FCHSD2: variants seen among roughly 807,000 people sequenced by gnomAD.
The protein encoded by FCHSD2 is F-BAR and double SH3 domains protein 2.
FCHSD2 carries 38 observed loss-of-function variants against 108.1 expected under a neutral mutation model. The ratio of observed to expected loss-of-function variants is 0.35; its 90% CI spans 0.27 to 0.46. The LOEUF is 0.46. Ranked by LOEUF, FCHSD2 falls within the 20% of genes least tolerant of loss-of-function variation. FCHSD2 has a pLI of 1.00. For missense variants in FCHSD2, 751 were observed against 897.8 expected (o/e 0.84, Z 2.09); for synonymous variants, 279 against 314.7 (o/e 0.89, Z 1.20).
Position 72,889,815 on chromosome 11 carries a change from T to C in FCHSD2, c.1041+14A>G. 1 of 1,500,346 alleles carries C rather than the reference T, an allele frequency of 6.7e-7. No homozygotes were observed. Among genetic ancestry groups the C allele is most frequent in the South Asian group, 1.1e-5 (1 of 88,178 alleles). The allele number at this position is 1,500,346 out of a possible 1,614,324, so 92.9% of individuals were successfully genotyped here. A position where few individuals can be genotyped will look rare whatever the true frequency, so the allele number is the denominator to read the frequency against. On this transcript the variant is annotated intron_variant, in intron 11 of 19. Coordinates refer to ENST00000409418, the MANE Select transcript of FCHSD2 (RefSeq NM_014824.3). ...CTTAAGGTGAATGTAACTAGGACTT[T>C]CTCTTACACTTACCCGTTGTTGGTG... is the stretch of plus-strand genomic sequence containing the variant.
intron 8 of FCHSD2, among the ~76,000 whole-genome samples, chr11:72,939,342 G>A (rs1856367155): frequency 6.6e-6 from 1 of 152,122 alleles, no homozygotes; most frequent in Non-Finnish European, 1.5e-5. Flanking sequence ...TAAGATTGTG[G>A]CTGCAACAGA....
intron 2 of FCHSD2, among the ~76,000 whole-genome samples, chr11:73,124,014 T>A (rs915383022): frequency 6.6e-6 from 1 of 152,188 alleles, no homozygotes; most frequent in Admixed American, 6.5e-5. Context: ...GCAACCCAAA[T>A]GTCCATCAAT....
intron 2 of FCHSD2, among the ~76,000 whole-genome samples, chr11:73,108,992 T>C (rs1045921286): frequency 2.0e-5 from 3 of 152,234 alleles, no homozygotes; most frequent in Non-Finnish European, 4.4e-5. Context: ...GAAGAGACTG[T>C]CCTTTCCTCA....
chr11:73,141,808 C>A, intron 1 of FCHSD2, 49 bp downstream of exon 1: 1 of 1,531,408 alleles, frequency 6.5e-7, no homozygotes, highest in Non-Finnish European at 8.8e-7. Flanking sequence ...CAGCCGCGTT[C>A]CGCGTACGCA....
At chr11:73,120,442 A>T (rs1860704295) in intron 2 of FCHSD2, among the ~76,000 whole-genome samples, 1 of 152,188 alleles carries the variant, frequency 6.6e-6, no homozygotes, top group Non-Finnish European at 1.5e-5. Flanking sequence ...GAAACATATG[A>T]AGATAGGCCA....
At chr11:73,056,999 C>A (rs769750999) in intron 3 of FCHSD2, among the ~76,000 whole-genome samples, 1 of 152,072 alleles carries the variant, frequency 6.6e-6, no homozygotes, top group Non-Finnish European at 1.5e-5. Flanking sequence ...AGGAGAATGG[C>A]GTGAACCCAG....
chr11:73,049,778 C>T (rs1169800170), intron 3 of FCHSD2, among the ~76,000 whole-genome samples: 2 of 151,352 alleles, frequency 1.3e-5, no homozygotes, highest in African/African-American at 4.9e-5. Flanking sequence ...TAAAGGGCTA[C>T]CATTTTTAGA....
At position 73,049,698 on chromosome 11, in the gene FCHSD2, A is replaced by G. The variant is rs563423343; in HGVS notation, c.166-33813T>C. Among the ~76,000 whole-genome samples the G allele has an allele frequency of 1.4e-3, 206 of 151,706 alleles. 1 individual carries two copies. The highest frequency in any genetic ancestry group is 3.3e-3 in the Admixed American group (50 of 15,250). ...TTAGAGTATAATAAAAAAAAAAAAA[A>G]AAAGAAAAAGGGGGAAAGAGAGACA... On this transcript the variant is annotated intron_variant, in intron 3 of 19. Coordinates refer to ENST00000409418, the MANE Select transcript of FCHSD2 (RefSeq NM_014824.3).
intron 3 of FCHSD2, among the ~76,000 whole-genome samples, chr11:73,039,525 A>AAG (rs1858581438): frequency 6.6e-6 from 1 of 152,038 alleles, no homozygotes; most frequent in Non-Finnish European, 1.5e-5. Flanking sequence ...TCCAAAAAAA[A>AAG]AAAGAAAGAA....
intron 2 of FCHSD2, among the ~76,000 whole-genome samples, chr11:73,119,911 G>A (rs895485394): frequency 6.6e-6 from 1 of 152,038 alleles, no homozygotes; most frequent in African/African-American, 2.4e-5. Flanking sequence ...CCTAAGACTG[G>A]GCAATTTACA....
At position 73,077,857 on chromosome 11, in the gene FCHSD2, C is replaced by T. The variant is rs924531339; in HGVS notation, c.165+5838G>A. ...CTAGTTTCACAGGTACATACTCATG[C>T]CAAAATTTATCAAATTATAAATTGT... On this transcript the variant is annotated intron_variant, in intron 3 of 19. Transcript: ENST00000409418. Among the ~76,000 whole-genome samples, 17 of 152,202 alleles carry T rather than the reference C, an allele frequency of 1.1e-4. No individual in the cohort carries two copies. The South Asian group carries it at 1.5e-3, about 13-fold the overall frequency.
intron 5 of FCHSD2, among the ~76,000 whole-genome samples, chr11:72,999,315 CTTTTT>C (rs777275615): frequency 9.6e-6 from 1 of 103,780 alleles, no homozygotes; most frequent in Non-Finnish European, 2.0e-5. Context: ...ACCAAAGATT[CTTTTT>C]TTTTTTTTTT....
At chr11:72,940,296 G>C (rs1017024864) in intron 8 of FCHSD2, among the ~76,000 whole-genome samples, 3 of 152,150 alleles carry the variant, frequency 2.0e-5, no homozygotes, top group African/African-American at 7.2e-5. Context: ...ATACTGAAGG[G>C]CCTTTTACAA....
At chr11:72,947,064 A>G (rs1162201495) in intron 8 of FCHSD2, among the ~76,000 whole-genome samples, 1 of 152,216 alleles carries the variant, frequency 6.6e-6, no homozygotes. Context: ...CAAGAAAATG[A>G]GACTCACATC....
intron 9 of FCHSD2, among the ~76,000 whole-genome samples, chr11:72,915,413 T>TATAC (rs766755770): frequency 6.6e-6 from 1 of 152,160 alleles, no homozygotes; most frequent in Non-Finnish European, 1.5e-5. Flanking sequence ...CCCAAAGGAA[T>TATAC]ATACATTGTT....
At chr11:72,853,322 T>G (rs1448329670) in intron 13 of FCHSD2, among the ~76,000 whole-genome samples, 1 of 152,196 alleles carries the variant, frequency 6.6e-6, no homozygotes, top group African/African-American at 2.4e-5. Context: ...AATCTCACCT[T>G]ATACGATACA....
chr11:72,897,945 A>G (rs1855455452), intron 10 of FCHSD2, among the ~76,000 whole-genome samples: 1 of 152,220 alleles, frequency 6.6e-6, no homozygotes, highest in South Asian at 2.1e-4. Flanking sequence ...CTGAGAAATG[A>G]TAATTGAAGA....
chr11:73,092,839 A>G (rs543099743), intron 2 of FCHSD2, among the ~76,000 whole-genome samples: 7 of 152,236 alleles, frequency 4.6e-5, no homozygotes, highest in African/African-American at 1.2e-4. Flanking sequence ...CTACCCAAAG[A>G]CAGGTCTTAC....
At chr11:72,847,830 T>C (rs751685514) in intron 14 of FCHSD2, among the ~76,000 whole-genome samples, 8 of 151,842 alleles carry the variant, frequency 5.3e-5, no homozygotes, top group Non-Finnish European at 1.0e-4. Context: ...GTAGCTGAGA[T>C]TACAGGCGCC....
Sources: allele counts gnomAD v4.1 joint callset (sites outside exome capture counted in the v4.1 genomes callset), GRCh38; gene constraint gnomAD v4.1.1; transcripts MANE v1.5; gene names NCBI Gene and HGNC (gene_info 2026-07-23, HGNC 2026-07-21).